The following CCSER1 variants were observed in gnomAD, a reference collection of about 807,000 sequenced individuals.
CCSER1 encodes serine-rich coiled-coil domain-containing protein 1.
In CCSER1, 41 loss-of-function variants were observed where a neutral mutation model predicts 82.0. The observed-to-expected ratio is 0.50, with a 90% CI of 0.39 to 0.65. The LOEUF (loss-of-function observed/expected upper bound fraction) is 0.65, where lower values mean the gene tolerates loss of function less well. Among genes scored for constraint, CCSER1 ranks in the 30% least tolerant of loss-of-function variants. The pLI, the probability that CCSER1 is intolerant of heterozygous loss-of-function variation, is 0.00. For synonymous variants in CCSER1, 414 were observed against 383.9 expected, an observed-to-expected ratio of 1.08 and a Z score of -0.92; for missense variants, 1,119 against 1,064.2, an observed-to-expected ratio of 1.05 and a Z score of -0.72.
At chr4:90,498,466 TC>T (rs1769362629) in intron 5 of CCSER1, among the ~76,000 whole-genome samples, 1 of 152,198 alleles carries the variant, frequency 6.6e-6, no homozygotes, top group South Asian at 2.1e-4. Flanking sequence ...TTTACATAGT[TC>T]TTATTATGTT....
chr4:90,994,191 T>C, intron 9 of CCSER1, among the ~76,000 whole-genome samples: 1 of 28,556 alleles, frequency 3.5e-5, no homozygotes, highest in South Asian at 8.2e-4. Context: ...AAGCAACATG[T>C]AGAGATGGAA....
At chr4:90,315,156 T>C (rs893665289) in intron 3 of CCSER1, among the ~76,000 whole-genome samples, 1 of 152,118 alleles carries the variant, frequency 6.6e-6, no homozygotes, top group Non-Finnish European at 1.5e-5. Context: ...AGCCCTCCGA[T>C]CCGCTTTTAA....
At chr4:90,271,863 T>TATATATATATATATA (rs61116868) in intron 1 of CCSER1, among the ~76,000 whole-genome samples, 73 of 19,652 alleles carry the variant, frequency 3.7e-3, no homozygotes, top group African/African-American at 8.2e-3. Flanking sequence ...TATATATATA[T>TATATATATATATATA]TTTTTTTTTT....
At chr4:91,030,570 T>A (rs1740888644) in intron 9 of CCSER1, among the ~76,000 whole-genome samples, 1 of 152,008 alleles carries the variant, frequency 6.6e-6, no homozygotes, top group Admixed American at 6.6e-5. Flanking sequence ...TTCATTTCTG[T>A]GGAAAATAAG....
intron 1 of CCSER1, among the ~76,000 whole-genome samples, chr4:90,204,737 A>G (rs1251710256): frequency 1.3e-5 from 2 of 152,122 alleles, no homozygotes; most frequent in African/African-American, 2.4e-5. Flanking sequence ...AAGAAAGTCA[A>G]TGGTAGCTTG....
At chr4:90,578,540 G>A (rs1305490290) in intron 5 of CCSER1, among the ~76,000 whole-genome samples, 2 of 152,062 alleles carry the variant, frequency 1.3e-5, no homozygotes, top group Admixed American at 6.6e-5. Flanking sequence ...TTCTCTTAGA[G>A]AATAGGCAAA....
intron 10 of CCSER1, among the ~76,000 whole-genome samples, chr4:91,334,600 C>A (rs1553925209): frequency 6.6e-6 from 1 of 151,846 alleles, no homozygotes; most frequent in Non-Finnish European, 1.5e-5. Context: ...ATCTATAAAA[C>A]ATGGTGGTAG....
At chr4:90,720,450 G>T (rs1742481624) in intron 6 of CCSER1, among the ~76,000 whole-genome samples, 1 of 151,648 alleles carries the variant, frequency 6.6e-6, no homozygotes, top group Non-Finnish European at 1.5e-5. Flanking sequence ...TCATTTTCAT[G>T]GATTAAAAAT....
intron 10 of CCSER1, among the ~76,000 whole-genome samples, chr4:91,534,331 C>T (rs565444938): frequency 6.6e-6 from 1 of 152,026 alleles, no homozygotes; most frequent in Admixed American, 6.6e-5. Flanking sequence ...TCCTTTCCAA[C>T]CTAAGTTATA....
chr4:90,745,936 G>C (rs1389530966), intron 7 of CCSER1, among the ~76,000 whole-genome samples: 1 of 151,664 alleles, frequency 6.6e-6, no homozygotes, highest in East Asian at 1.9e-4. Flanking sequence ...TCCTGACCTC[G>C]TGATCTGCCC....
At chr4:90,231,715 A>G (rs60027158) in intron 1 of CCSER1, among the ~76,000 whole-genome samples, 24,818 of 152,060 alleles carry the variant, frequency 0.16, 2,710 homozygotes, top group African/African-American at 0.3. Flanking sequence ...TTGTATGTCT[A>G]GAAAACTCCA....
intron 10 of CCSER1, among the ~76,000 whole-genome samples, chr4:91,524,517 G>C (rs1384218712): frequency 6.6e-6 from 1 of 152,120 alleles, no homozygotes; most frequent in African/African-American, 2.4e-5. Flanking sequence ...TTCTCCACTG[G>C]TTTTTGTGAG....
At chr4:90,513,145 T>C (rs145824525) in intron 5 of CCSER1, among the ~76,000 whole-genome samples, 2,142 of 152,284 alleles carry the variant, frequency 0.014, 30 homozygotes, top group Non-Finnish European at 0.019. Flanking sequence ...AAGGGAAGTC[T>C]ACTTAGCATG....
chr4:90,212,674 A>G lies in CCSER1; in HGVS notation c.-42+84843A>G, dbSNP rs150795869. Among the ~76,000 whole-genome samples, 5 of 152,362 alleles carry G rather than the reference A, an allele frequency of 3.3e-5. No individual in the cohort carries two copies. The East Asian group carries it at 5.8e-4, about 18-fold the overall frequency. ...TGGTATTTGGAGAGTTTGAAACTCC[A>G]AAAGAGTATAGATATATTGTATGTC... On this transcript the variant is annotated intron_variant, in intron 1 of 10. Transcript: ENST00000509176.
At chr4:91,377,097 G>A (rs1269463216) in intron 10 of CCSER1, among the ~76,000 whole-genome samples, 1 of 152,118 alleles carries the variant, frequency 6.6e-6, no homozygotes, top group African/African-American at 2.4e-5. Flanking sequence ...TTTTATGGCT[G>A]CATAGTATTC....
At chr4:90,434,035 T>C (rs1267996825) in intron 4 of CCSER1, among the ~76,000 whole-genome samples, 1 of 152,048 alleles carries the variant, frequency 6.6e-6, no homozygotes, top group Non-Finnish European at 1.5e-5. Context: ...TTATTCGAAG[T>C]TACAACTTTT....
chr4:91,039,278 A>G (rs1335737904), intron 9 of CCSER1, among the ~76,000 whole-genome samples: 1 of 151,778 alleles, frequency 6.6e-6, no homozygotes, highest in Non-Finnish European at 1.5e-5. Context: ...CTTGTGCTCA[A>G]GTGATCCTCC....
At chr4:90,913,708 A>T (rs569122422) in intron 8 of CCSER1, among the ~76,000 whole-genome samples, 115 of 152,214 alleles carry the variant, frequency 7.6e-4, no homozygotes, top group Non-Finnish European at 1.2e-3. Context: ...AATTGGATAA[A>T]GAGTCAACAC....
intron 4 of CCSER1, among the ~76,000 whole-genome samples, chr4:90,424,887 C>A (rs1312240924): frequency 6.6e-6 from 1 of 152,224 alleles, no homozygotes; most frequent in African/African-American, 2.4e-5. Context: ...TTGTGAATAG[C>A]ACCAACATCA....
Sources: gnomAD v4.1 joint callset for allele counts (sites outside exome capture counted in the v4.1 genomes callset) on GRCh38, gnomAD v4.1.1 for gene constraint, MANE v1.5 for transcripts, NCBI Gene and HGNC (gene_info 2026-07-23, HGNC 2026-07-21) for gene names.